The following ORC2 variants were observed in gnomAD, a reference collection of about 807,000 sequenced individuals.
ORC2 encodes the protein origin recognition complex protein 2 homolog.
ORC2 carries 37 observed loss-of-function variants against 77.7 expected under a neutral mutation model. The ratio of observed to expected loss-of-function variants is 0.48; its 90% CI spans 0.37 to 0.63. The LOEUF (loss-of-function observed/expected upper bound fraction) is 0.63, where lower values mean the gene tolerates loss of function less well. ORC2 is among the 20% of genes least tolerant of loss of function. The pLI is 0.00. For missense variants in ORC2, 557 were observed against 661.9 expected, an observed-to-expected ratio of 0.84 and a Z score of 1.74; for synonymous variants, 201 against 229.5, an observed-to-expected ratio of 0.88 and a Z score of 1.12.
intron 5 of ORC2, among the ~76,000 whole-genome samples, chr2:200,944,578 C>A (rs1259588347): frequency 6.6e-6 from 1 of 151,730 alleles, no homozygotes; most frequent in Admixed American, 6.6e-5. Flanking sequence ...AGTACAAGTA[C>A]CTGTCGCCCA....
intron 13 of ORC2, among the ~76,000 whole-genome samples, chr2:200,922,431 C>T (rs943463659): frequency 2.4e-5 from 3 of 124,934 alleles, no homozygotes; most frequent in African/African-American, 1.3e-4. Context: ...ATACTGAAAC[C>T]GTATGAAACA....
At chr2:200,922,204 TAA>T (rs1015841783) in intron 13 of ORC2, among the ~76,000 whole-genome samples, 2 of 151,332 alleles carry the variant, frequency 1.3e-5, no homozygotes, top group Non-Finnish European at 2.9e-5. Context: ...AGATAAATTA[TAA>T]AAGTCAGTGA....
chr2:200,924,144 T>C (rs1445981303), intron 13 of ORC2, among the ~76,000 whole-genome samples: 1 of 152,076 alleles, frequency 6.6e-6, no homozygotes, highest in Non-Finnish European at 1.5e-5. Context: ...GCCTAGGAGT[T>C]TGAGACCAGC....
intron 12 of ORC2, 147 bp from the exon 13 acceptor site, chr2:200,926,079 T>C: frequency 2.6e-6 from 1 of 388,704 alleles, no homozygotes; most frequent in Non-Finnish European, 4.8e-6. Flanking sequence ...CTACTGGTAC[T>C]TGAGTATATC....
At position 200,963,636 on chromosome 2, in the gene ORC2, G is replaced by C. The variant is rs1392676856; in HGVS notation, c.-206C>G. On this transcript the variant is annotated 5_prime_UTR_variant, in exon 1 of 18. Transcript: ENST00000234296. ...CGCGCCCGACCACCGGGGAGGTAAG[G>C]AGCACCGGAGGCCAGCTGGGGGATG... 6 of 398,510 alleles carry C rather than the reference G, an allele frequency of 1.5e-5. No homozygotes were observed. Among genetic ancestry groups the C allele is most frequent in the Non-Finnish European group, 2.7e-5 (6 of 226,094 alleles). The allele number at this position is 398,510 out of a possible 1,614,324, so 24.7% of individuals were successfully genotyped here. A position where few individuals can be genotyped will look rare whatever the true frequency, so the allele number is the denominator to read the frequency against.
intron 5 of ORC2, among the ~76,000 whole-genome samples, chr2:200,944,087 C>T (rs932131768): frequency 6.6e-6 from 1 of 152,168 alleles, no homozygotes; most frequent in Admixed American, 6.5e-5. Flanking sequence ...CATAAAAATG[C>T]TCCACCTGAT....
chr2:200,960,943 A>G (rs188815205), intron 1 of ORC2, among the ~76,000 whole-genome samples: 56 of 151,784 alleles, frequency 3.7e-4, no homozygotes, highest in African/African-American at 1.4e-3. Flanking sequence ...CACCCAGCTA[A>G]TTTTTGCATT....
rs1207762001 is a variant in ORC2 at position 200,911,027 on chromosome 2, C to T, written c.*274G>A. ...TCAAAAACATCCAGTTCCAAATAGT[C>T]CCTGAGCACACTGTTCATTCCAGCA... On this transcript the variant is annotated 3_prime_UTR_variant, in exon 18 of 18. Transcript: ENST00000234296. The T allele has an allele frequency of 3.3e-6, 1 of 306,352 alleles. No homozygotes were observed. Among genetic ancestry groups the T allele is most frequent in the Non-Finnish European group, 6.1e-6 (1 of 163,210 alleles). 19.0% of individuals were successfully genotyped at this position (306,352 alleles called of 1,614,324 possible).
At chr2:200,959,807 A>C (rs1454953842) in intron 1 of ORC2, among the ~76,000 whole-genome samples, 1 of 151,922 alleles carries the variant, frequency 6.6e-6, no homozygotes, top group African/African-American at 2.4e-5. Context: ...GCTCATGCCT[A>C]TAATCTCAGT....
chr2:200,945,693 G>C (rs1297857907), intron 5 of ORC2, among the ~76,000 whole-genome samples: 1 of 151,988 alleles, frequency 6.6e-6, no homozygotes, highest in Non-Finnish European at 1.5e-5. Flanking sequence ...TCTGTCTAAT[G>C]ATAGCTTTAG....
chr2:200,915,612 CAAAAATT>C (rs2040633850), intron 15 of ORC2, among the ~76,000 whole-genome samples: 1 of 151,938 alleles, frequency 6.6e-6, no homozygotes, highest in Non-Finnish European at 1.5e-5. Context: ...TTGGGTATGC[CAAAAATT>C]CAAAACTTAT....
At chr2:200,949,911 T>C (rs761253077) in intron 4 of ORC2, among the ~76,000 whole-genome samples, 5 of 152,202 alleles carry the variant, frequency 3.3e-5, no homozygotes, top group Non-Finnish European at 7.3e-5. Flanking sequence ...GGATATGCAT[T>C]CAATTCCTAG....
chr2:200,942,703 C>A lies in ORC2; in HGVS notation c.403G>T (p.Val135Phe). The A allele has an allele frequency of 6.2e-7, 1 of 1,603,548 alleles. No homozygotes were observed. The highest frequency in any genetic ancestry group is 8.5e-7 in the Non-Finnish European group (1 of 1,173,324). The change falls in exon 6 of 18, where the codon GTT becomes TTT. Residue 135 changes from valine to phenylalanine, a missense_variant. By Grantham distance (50) the Val-to-Phe change is conservative. Transcript: ENST00000234296. ...LKNDPEITIN[V>F]PQSSKGHSAS... ...GTCTTACCCTTGCTACTTTGAGGAA[C>A]GTTTATCGTAATCTCAGGATCATTC...
intron 7 of ORC2, among the ~76,000 whole-genome samples, chr2:200,940,965 G>C (rs1407515232): frequency 6.6e-6 from 1 of 152,086 alleles, no homozygotes; most frequent in African/African-American, 2.4e-5. Flanking sequence ...AACATTTTCA[G>C]GCCAGCTACA....
chr2:200,932,946 T>C (rs1327795703), intron 10 of ORC2, among the ~76,000 whole-genome samples: 5 of 152,230 alleles, frequency 3.3e-5, no homozygotes, highest in African/African-American at 4.8e-5. Context: ...AGCTATGCTA[T>C]GTTTACGCCC....
At chr2:200,928,596 G>A (rs575371215) in intron 11 of ORC2, among the ~76,000 whole-genome samples, 55 of 151,802 alleles carry the variant, frequency 3.6e-4, no homozygotes, top group Non-Finnish European at 6.8e-4. Context: ...GGCGGATCAC[G>A]AGGTCAGGAG....
At chr2:200,919,578 C>T (rs1395521226) in intron 15 of ORC2, among the ~76,000 whole-genome samples, 1 of 152,190 alleles carries the variant, frequency 6.6e-6, no homozygotes, top group Non-Finnish European at 1.5e-5. Context: ...AGGCTGGTCT[C>T]GAACTCCTGA....
chr2:200,919,774 T>C (rs1255588227), intron 15 of ORC2, among the ~76,000 whole-genome samples: 3 of 152,374 alleles, frequency 2.0e-5, no homozygotes, highest in African/African-American at 7.2e-5. Flanking sequence ...TATACAGTGA[T>C]GTTTAAGAGC....
At chr2:200,945,507 T>G (rs916159105) in intron 5 of ORC2, among the ~76,000 whole-genome samples, 7 of 152,104 alleles carry the variant, frequency 4.6e-5, no homozygotes, top group Non-Finnish European at 7.4e-5. Flanking sequence ...GACATGGAAG[T>G]TGCAGCAAGC....
Sources: gnomAD v4.1 joint callset for allele counts (sites outside exome capture counted in the v4.1 genomes callset) on GRCh38, gnomAD v4.1.1 for gene constraint, MANE v1.5 for transcripts, NCBI Gene and HGNC (gene_info 2026-07-23, HGNC 2026-07-21) for gene names.